ATXN7L1: variants seen among roughly 807,000 people sequenced by gnomAD.
The protein encoded by ATXN7L1 is ataxin 7 like 1, also known as ataxin-7-like protein 1.
ATXN7L1 carries 15 observed loss-of-function variants against 70.8 expected under a neutral mutation model. The observed-to-expected ratio is 0.21, with a 90% CI of 0.14 to 0.33. The LOEUF (loss-of-function observed/expected upper bound fraction) is 0.33. ATXN7L1 is among the 10% of genes least tolerant of loss of function. The pLI is 1.00. For synonymous variants in ATXN7L1, 440 were observed against 445.1 expected, an observed-to-expected ratio of 0.99 and a Z score of 0.14; for missense variants, 975 against 1,097.1, an observed-to-expected ratio of 0.89 and a Z score of 1.57.
At chr7:105,612,094 A>C (rs1300687702) in intron 10 of ATXN7L1, among the ~76,000 whole-genome samples, 2 of 152,190 alleles carry the variant, frequency 1.3e-5, no homozygotes, top group Non-Finnish European at 2.9e-5. Flanking sequence ...CTGCAGACCA[A>C]AGTATCAACA....
intron 4 of ATXN7L1, among the ~76,000 whole-genome samples, chr7:105,657,859 A>G (rs1800929729): frequency 6.6e-6 from 1 of 152,090 alleles, no homozygotes. Flanking sequence ...GTCTGTTTAG[A>G]ACAACTTGGG....
intron 9 of ATXN7L1, chr7:105,617,649 A>C: frequency 3.4e-6 from 1 of 293,692 alleles, no homozygotes; most frequent in South Asian, 3.2e-5. Context: ...ATGGCAGTGG[A>C]TTTCAGCTTT....
chr7:105,778,984 A>G (rs1315006607), intron 3 of ATXN7L1, among the ~76,000 whole-genome samples: 2 of 152,252 alleles, frequency 1.3e-5, no homozygotes, highest in Admixed American at 6.5e-5. Context: ...AGAAAGAGCA[A>G]TGAAGCTCAC....
chr7:105,649,509 G>C, intron 4 of ATXN7L1: 1 of 987,816 alleles, frequency 1.0e-6, no homozygotes, highest in Non-Finnish European at 1.2e-6. Context: ...CTGGCTTTAA[G>C]AAACATGGTT....
intron 3 of ATXN7L1, among the ~76,000 whole-genome samples, chr7:105,692,411 T>TTCCTTCCTTCCTTCCCTCCC (rs1554431634): frequency 7.5e-5 from 9 of 119,410 alleles, no homozygotes; most frequent in African/African-American, 2.2e-4. Context: ...CCTTCCTTCC[T>TTCCTTCCTTCCTTCCCTCCC]TCCTTCCTTC....
chr7:105,642,401 G>T (rs1425415468), intron 5 of ATXN7L1, among the ~76,000 whole-genome samples: 1 of 152,248 alleles, frequency 6.6e-6, no homozygotes, highest in Non-Finnish European at 1.5e-5. Context: ...GTGCAGCACA[G>T]CTGTTGGCGG....
intron 3 of ATXN7L1, among the ~76,000 whole-genome samples, chr7:105,777,692 A>G (rs1245766411): frequency 6.6e-6 from 1 of 152,188 alleles, no homozygotes; most frequent in East Asian, 1.9e-4. Context: ...ACCGCTAGCT[A>G]TGCATTAGCT....
At chr7:105,833,613 G>T (rs183372805) in intron 2 of ATXN7L1, among the ~76,000 whole-genome samples, 2 of 152,284 alleles carry the variant, frequency 1.3e-5, no homozygotes, top group Admixed American at 1.3e-4. Context: ...TTTCATGAGA[G>T]TATCCATTTG....
chr7:105,720,126 G>A (rs1338309232), intron 3 of ATXN7L1, among the ~76,000 whole-genome samples: 1 of 152,216 alleles, frequency 6.6e-6, no homozygotes, highest in East Asian at 1.9e-4. Flanking sequence ...CATGTAGGAA[G>A]CCTGAAATCT....
intron 3 of ATXN7L1, among the ~76,000 whole-genome samples, chr7:105,727,767 T>TATATATATATATATATATATATA (rs34755557): frequency 1.3e-4 from 13 of 100,262 alleles, no homozygotes; most frequent in African/African-American, 4.4e-4. Context: ...TATATATATA[T>TATATATATATATATATATATATA]ATATATATAT....
At chr7:105,667,900 G>A (rs1008933561) in intron 3 of ATXN7L1, among the ~76,000 whole-genome samples, 2 of 152,046 alleles carry the variant, frequency 1.3e-5, no homozygotes, top group Non-Finnish European at 2.9e-5. Flanking sequence ...CTTCCAATAT[G>A]AAAACAAGAT....
At chr7:105,702,395 A>G (rs1426297876) in intron 3 of ATXN7L1, among the ~76,000 whole-genome samples, 1 of 152,194 alleles carries the variant, frequency 6.6e-6, no homozygotes. Flanking sequence ...CATATAATTT[A>G]TCATCCCAAC....
At chr7:105,719,659 G>C (rs1794959691) in intron 3 of ATXN7L1, among the ~76,000 whole-genome samples, 1 of 152,110 alleles carries the variant, frequency 6.6e-6, no homozygotes, top group Non-Finnish European at 1.5e-5. Context: ...GGAATGATTA[G>C]ATTTTGCTTT....
chr7:105,834,869 G>C (rs1449134928), intron 2 of ATXN7L1, among the ~76,000 whole-genome samples: 1 of 152,058 alleles, frequency 6.6e-6, no homozygotes, highest in East Asian at 1.9e-4. Flanking sequence ...GGAGGGGAGA[G>C]GGCTGCAGAC....
At chr7:105,748,701 T>G (rs1447631345) in intron 3 of ATXN7L1, among the ~76,000 whole-genome samples, 2 of 152,126 alleles carry the variant, frequency 1.3e-5, no homozygotes, top group Non-Finnish European at 2.9e-5. Flanking sequence ...TTGGGGCTTT[T>G]GCACTGTGTA....
At position 105,620,180 on chromosome 7, in the gene ATXN7L1, C is replaced by T; in HGVS notation, c.1517+20G>A. The T allele has an allele frequency of 6.4e-7, 1 of 1,550,412 alleles. No homozygotes were observed. Among genetic ancestry groups the T allele is most frequent in the Non-Finnish European group, 8.7e-7 (1 of 1,146,214 alleles). On this transcript the variant is annotated intron_variant, in intron 9 of 11. Coordinates refer to ENST00000419735, the MANE Select transcript of ATXN7L1 (RefSeq NM_020725.2). ...GTGGGGCAGCTTGGATCTTATATTGCACAAAAGCTGCTCACTTACTTCCAC... is the reference window on the plus strand; with the variant it reads ...GTGGGGCAGCTTGGATCTTATATTGTACAAAAGCTGCTCACTTACTTCCAC...
chr7:105,798,736 G>C (rs969745650), intron 2 of ATXN7L1, among the ~76,000 whole-genome samples: 1 of 152,076 alleles, frequency 6.6e-6, no homozygotes, highest in Non-Finnish European at 1.5e-5. Context: ...AGTAGACTTT[G>C]GAATAAAAAA....
intron 3 of ATXN7L1, among the ~76,000 whole-genome samples, chr7:105,743,235 GAGA>G (rs1257126914): frequency 6.6e-6 from 1 of 152,146 alleles, no homozygotes; most frequent in East Asian, 1.9e-4. Context: ...GAAAATAAAG[GAGA>G]AGAAGAAAAA....
chr7:105,849,113 C>G (rs1438296351), intron 2 of ATXN7L1, among the ~76,000 whole-genome samples: 4 of 152,210 alleles, frequency 2.6e-5, no homozygotes, highest in African/African-American at 9.7e-5. Context: ...ATTATTGCAC[C>G]ATTATCACCA....
Sources: gnomAD v4.1 joint callset for allele counts (sites outside exome capture counted in the v4.1 genomes callset) on GRCh38, gnomAD v4.1.1 for gene constraint, MANE v1.5 for transcripts, NCBI Gene and HGNC (gene_info 2026-07-23, HGNC 2026-07-21) for gene names.